Variants in NAA16 observed in about 807,000 individuals in gnomAD.
The protein encoded by NAA16 is NARG1-like protein.
In NAA16, 97 loss-of-function variants were observed where a neutral mutation model predicts 110.3. The ratio of observed to expected loss-of-function variants is 0.88; its 90% CI spans 0.75 to 1.04. The LOEUF is 1.04. Among genes scored for constraint, NAA16 ranks in the 50% least tolerant of loss-of-function variants. The probability of loss-of-function intolerance (pLI) is 0.00; values close to 1 mark genes in which losing one functional copy is unlikely to be tolerated. For synonymous variants in NAA16, 372 were observed against 330.6 expected, an observed-to-expected ratio of 1.13 and a Z score of -1.36; for missense variants, 1,017 against 1,005.1, an observed-to-expected ratio of 1.01 and a Z score of -0.16.
intron 13 of NAA16, among the ~76,000 whole-genome samples, chr13:41,364,494 A>G (rs937548054): frequency 6.6e-6 from 1 of 152,180 alleles, no homozygotes; most frequent in Non-Finnish European, 1.5e-5. Flanking sequence ...AAACAGAACA[A>G]CCTTCTTCAA....
At chr13:41,358,764 T>A in intron 11 of NAA16, 46 bp from the exon 12 acceptor site, 1 of 1,532,602 alleles carries the variant, frequency 6.5e-7, no homozygotes, top group Non-Finnish European at 8.8e-7. Flanking sequence ...ATTGTACTCA[T>A]ATTCTCTTGA....
In NAA16 at chr13:41,369,264, T is replaced by G; in HGVS notation, c.1928T>G (p.Ile643Arg). 1 of 1,569,974 alleles carries G rather than the reference T, an allele frequency of 6.4e-7. No individual in the cohort carries two copies. Among genetic ancestry groups the G allele is most frequent in the South Asian group, 1.2e-5 (1 of 82,344 alleles). The change falls in exon 15 of 20, where the codon ATA becomes AGA. Residue 643 changes from isoleucine to arginine, a missense_variant. Coordinates refer to ENST00000379406, the MANE Select transcript of NAA16 (RefSeq NM_024561.5). ...EEASGLKEELIPEKLERVENP... is the reference protein window; with the variant it reads ...EEASGLKEELRPEKLERVENP... The stretch of plus-strand genomic sequence containing the variant: ...GCCAGTGGCCTTAAGGAAGAACTTA[T>G]ACCTGAAAAATTAGAAAGGGTGAGA...
At chr13:41,358,043 G>A (rs886930826) in intron 10 of NAA16, among the ~76,000 whole-genome samples, 10 of 152,088 alleles carry the variant, frequency 6.6e-5, no homozygotes, top group Non-Finnish European at 1.3e-4. Context: ...TTAGTTTGAC[G>A]TATATCTTTT....
chr13:41,354,886 ATTTTTTTT>A (rs10671840), intron 9 of NAA16, among the ~76,000 whole-genome samples: 6 of 112,486 alleles, frequency 5.3e-5, no homozygotes, highest in African/African-American at 1.8e-4. Context: ...GGAGTGGTCC[ATTTTTTTT>A]TTTTTTTTTT....
intron 11 of NAA16, 132 bp downstream of exon 11, chr13:41,358,605 A>C: frequency 1.4e-6 from 2 of 1,460,798 alleles, no homozygotes; most frequent in Admixed American, 5.5e-5. Context: ...GTGTAGTTTC[A>C]TGTTATATTA....
chr13:41,358,201 T>G, intron 10 of NAA16, 103 bp from the exon 11 acceptor site: 1 of 1,008,254 alleles, frequency 9.9e-7, no homozygotes, highest in Non-Finnish European at 1.4e-6. Context: ...TCTTTCTTGC[T>G]TATTATTATT....
intron 8 of NAA16, among the ~76,000 whole-genome samples, chr13:41,336,172 T>A (rs1478478925): frequency 2.6e-5 from 4 of 151,688 alleles, no homozygotes; most frequent in Non-Finnish European, 5.9e-5. Flanking sequence ...TAAAAAAAAA[T>A]TTTTTTTTTT....
In NAA16 at chr13:41,375,798, C is replaced by T. The variant is rs997404667; in HGVS notation, c.*196C>T. ...CATCTGTTAAAATTACCTGTTTATT[C>T]TTACACAGTTTTGTGGTAGCTCCGA... On this transcript the variant is annotated 3_prime_UTR_variant, in exon 20 of 20. Transcript: ENST00000379406. 4 of 479,262 alleles carry T rather than the reference C, an allele frequency of 8.3e-6. No homozygotes were observed. Among genetic ancestry groups the T allele is most frequent in the African/African-American group, 7.9e-5 (4 of 50,886 alleles). 29.7% of individuals were successfully genotyped at this position (479,262 alleles called of 1,614,324 possible). A position where few individuals can be genotyped will look rare whatever the true frequency, so the allele number is the denominator to read the frequency against.
intron 14 of NAA16, among the ~76,000 whole-genome samples, chr13:41,368,885 A>G (rs187009364): frequency 6.6e-6 from 1 of 152,304 alleles, no homozygotes; most frequent in African/African-American, 2.4e-5. Context: ...TTAAAAGTAT[A>G]CAGGAGGATG....
At position 41,328,851 on chromosome 13, in the gene NAA16, A is replaced by G; in HGVS notation, c.811+8A>G. 6.3e-7 allele frequency: 1 copy of G among 1,589,118 alleles called. No homozygotes were observed. The highest frequency in any genetic ancestry group is 8.6e-7 in the Non-Finnish European group (1 of 1,160,580). ...AAAAAGCTCTACAAATTAGTATGTAATGATTTTTCTCCTCTTTCTCATAAC... is the reference window on the plus strand; with the variant it reads ...AAAAAGCTCTACAAATTAGTATGTAGTGATTTTTCTCCTCTTTCTCATAAC... On this transcript the variant is annotated splice_region_variant and intron_variant, in intron 7 of 19. Transcript: ENST00000379406.
chr13:41,321,778 C>G (rs1593416246), intron 4 of NAA16, among the ~76,000 whole-genome samples: 1 of 112,320 alleles, frequency 8.9e-6, no homozygotes, highest in Non-Finnish European at 1.9e-5. Flanking sequence ...CTCTTACTTA[C>G]TTATGAGAAG....
At chr13:41,349,268 A>G (rs1030693981) in intron 9 of NAA16, among the ~76,000 whole-genome samples, 1 of 151,876 alleles carries the variant, frequency 6.6e-6, no homozygotes, top group Admixed American at 6.6e-5. Context: ...TCATTGTAGC[A>G]TCAAACCCTT....
intron 18 of NAA16, 91 bp from the exon 19 acceptor site, chr13:41,374,651 T>G: frequency 1.2e-6 from 1 of 866,082 alleles, no homozygotes; most frequent in Non-Finnish European, 1.8e-6. Flanking sequence ...ATTAAACACT[T>G]AAAACCATAT....
chr13:41,336,851 T>C (rs1838825876), intron 9 of NAA16, 95 bp downstream of exon 9: 1 of 663,530 alleles, frequency 1.5e-6, no homozygotes, highest in Non-Finnish European at 2.4e-6. Flanking sequence ...TTAATCATTT[T>C]CTTTGTTTCA....
intron 1 of NAA16, among the ~76,000 whole-genome samples, chr13:41,314,568 A>G (rs967981030): frequency 6.6e-6 from 1 of 152,202 alleles, no homozygotes; most frequent in African/African-American, 2.4e-5. Flanking sequence ...AATTCCTTCC[A>G]CATCCAGCCC....
intron 9 of NAA16, among the ~76,000 whole-genome samples, chr13:41,340,647 GTTTTTTTTTTTTTTTTTTTTT>G (rs754237653): frequency 9.2e-5 from 4 of 43,598 alleles, no homozygotes; most frequent in Non-Finnish European, 1.3e-4. Flanking sequence ...TTTTGAGTGA[GTTTTTTTTTTTTTTTTTTTTT>G]TTTTTTTTTT....
chr13:41,357,498 A>T (rs1358979110), intron 10 of NAA16, among the ~76,000 whole-genome samples: 1 of 152,138 alleles, frequency 6.6e-6, no homozygotes, highest in African/African-American at 2.4e-5. Flanking sequence ...CATTGCCTTT[A>T]TTTTATTATT....
At chr13:41,348,654 TAATG>T (rs1346484954) in intron 9 of NAA16, among the ~76,000 whole-genome samples, 1 of 152,204 alleles carries the variant, frequency 6.6e-6, no homozygotes, top group Non-Finnish European at 1.5e-5. Flanking sequence ...ACTGGCCTCA[TAATG>T]AATTGGGAAA....
intron 5 of NAA16, among the ~76,000 whole-genome samples, chr13:41,323,819 T>G (rs1170620172): frequency 1.3e-5 from 2 of 152,172 alleles, no homozygotes; most frequent in East Asian, 1.9e-4. Flanking sequence ...ACATGTGGAT[T>G]CAGCTGCAAG....
Sources: allele counts gnomAD v4.1 joint callset (sites outside exome capture counted in the v4.1 genomes callset), GRCh38; gene constraint gnomAD v4.1.1; transcripts MANE v1.5; gene names NCBI Gene and HGNC (gene_info 2026-07-23, HGNC 2026-07-21).